The following AMBRA1 variants were observed in gnomAD, a reference collection of about 807,000 sequenced individuals.
The protein encoded by AMBRA1 is activating molecule in BECN1-regulated autophagy protein 1.
AMBRA1 carries 47 observed loss-of-function variants against 125.4 expected under a neutral mutation model. That is an observed-to-expected ratio of 0.37 (90% confidence interval 0.30 to 0.48). AMBRA1 has a LOEUF of 0.48. Among genes scored for constraint, AMBRA1 ranks in the 20% least tolerant of loss-of-function variants. The probability of loss-of-function intolerance (pLI) is 0.99; values close to 1 mark genes in which losing one functional copy is unlikely to be tolerated. For synonymous variants in AMBRA1, 626 were observed against 655.5 expected (o/e 0.95, Z 0.69); for missense variants, 1,331 against 1,693.4 (o/e 0.79, Z 3.76).
intron 11 of AMBRA1, among the ~76,000 whole-genome samples, chr11:46,479,811 G>T (rs1414544230): frequency 1.8e-4 from 27 of 152,140 alleles, no homozygotes; most frequent in Non-Finnish European, 1.3e-4. Context: ...AGATACATGT[G>T]TGAAACTATC....
chr11:46,474,705 G>C (rs1023367352), intron 11 of AMBRA1, among the ~76,000 whole-genome samples: 26 of 152,124 alleles, frequency 1.7e-4, no homozygotes, highest in African/African-American at 5.6e-4. Flanking sequence ...TTGTTCTTAA[G>C]CATCTATACT....
At chr11:46,429,169 G>C in intron 14 of AMBRA1, 1 of 1,545,500 alleles carries the variant, frequency 6.5e-7, no homozygotes, top group Non-Finnish European at 8.8e-7. Flanking sequence ...TCTCCGCCAC[G>C]CACTGGCTTC....
chr11:46,522,108 A>G (rs1419419602), intron 7 of AMBRA1, among the ~76,000 whole-genome samples: 1 of 152,240 alleles, frequency 6.6e-6, no homozygotes, highest in South Asian at 2.1e-4. Flanking sequence ...GAATGTATAC[A>G]TAGTGTGCAA....
intron 11 of AMBRA1, among the ~76,000 whole-genome samples, chr11:46,445,079 A>AG (rs1948214710): frequency 6.6e-6 from 1 of 151,882 alleles, no homozygotes. Context: ...AACAAAAAAA[A>AG]AAAAACAAAA....
At chr11:46,544,494 C>T (rs915673682) in intron 5 of AMBRA1, among the ~76,000 whole-genome samples, 8 of 152,096 alleles carry the variant, frequency 5.3e-5, no homozygotes, top group African/African-American at 4.8e-5. Context: ...GGCCTGTATT[C>T]GACTGGAAAT....
chr11:46,533,485 T>G (rs1223700334), intron 7 of AMBRA1, among the ~76,000 whole-genome samples: 2 of 151,990 alleles, frequency 1.3e-5, no homozygotes. Flanking sequence ...TGGGGAAGAG[T>G]GGAGGGGCTT....
At chr11:46,586,821 T>G (rs1019593817) in intron 1 of AMBRA1, among the ~76,000 whole-genome samples, 5 of 152,172 alleles carry the variant, frequency 3.3e-5, no homozygotes, top group South Asian at 2.1e-4. Context: ...TGAACCAGGC[T>G]GCTTGGCTCC....
intron 11 of AMBRA1, among the ~76,000 whole-genome samples, chr11:46,448,360 T>C (rs1446400393): frequency 6.6e-6 from 1 of 152,206 alleles, no homozygotes; most frequent in Non-Finnish European, 1.5e-5. Context: ...GAACAACACA[T>C]GGCTCAAAGA....
chr11:46,535,119 C>T (rs899833008), intron 7 of AMBRA1, among the ~76,000 whole-genome samples: 8 of 152,318 alleles, frequency 5.3e-5, no homozygotes, highest in Admixed American at 1.3e-4. Flanking sequence ...AGAAAGAACA[C>T]GTCATAATTT....
chr11:46,548,565 C>A (rs757343470), intron 1 of AMBRA1, 65 bp from the exon 2 acceptor site: 4 of 629,918 alleles, frequency 6.4e-6, no homozygotes, highest in African/African-American at 1.8e-5. Context: ...ATTGCAAATA[C>A]AATTCTAGCT....
At chr11:46,408,803 G>A (rs1352778690) in intron 16 of AMBRA1, 97 bp from the exon 17 acceptor site, 10 of 1,195,862 alleles carry the variant, frequency 8.4e-6, no homozygotes, top group South Asian at 2.3e-5. Flanking sequence ...GGCAGTGTGG[G>A]CCAGGCCCTG....
intron 1 of AMBRA1, among the ~76,000 whole-genome samples, chr11:46,582,108 C>G (rs1398925836): frequency 7.0e-6 from 1 of 143,106 alleles, no homozygotes; most frequent in African/African-American, 2.6e-5. Context: ...GAGACCCTGT[C>G]TCAAAAAAAA....
At chr11:46,512,906 C>T in intron 7 of AMBRA1, 93 bp from the exon 8 acceptor site, 2 of 1,176,794 alleles carry the variant, frequency 1.7e-6, no homozygotes, top group Non-Finnish European at 2.4e-6. Flanking sequence ...ATATAACTTT[C>T]CCCTTTTGCA....
At chr11:46,429,975 G>A (rs961580040) in intron 14 of AMBRA1, among the ~76,000 whole-genome samples, 3 of 151,998 alleles carry the variant, frequency 2.0e-5, no homozygotes, top group African/African-American at 4.8e-5. Context: ...TGGAGGAATC[G>A]CAAATGGACA....
chr11:46,434,725 T>C, intron 13 of AMBRA1, 124 bp downstream of exon 13: 2 of 1,025,484 alleles, frequency 2.0e-6, no homozygotes, highest in Non-Finnish European at 1.4e-6. Flanking sequence ...CTCTGGCCTG[T>C]GCCCCAGTGA....
intron 9 of AMBRA1, among the ~76,000 whole-genome samples, chr11:46,500,311 T>A (rs898533011): frequency 3.9e-5 from 6 of 152,106 alleles, no homozygotes; most frequent in African/African-American, 1.4e-4. Context: ...AAAAGTAAGA[T>A]GGCTGTGCTT....
chr11:46,466,374 T>C (rs1949324166), intron 11 of AMBRA1, among the ~76,000 whole-genome samples: 1 of 149,690 alleles, frequency 6.7e-6, no homozygotes, highest in African/African-American at 2.5e-5. Context: ...AATGTGAGTA[T>C]CTAACGAGGA....
chr11:46,428,688 C>T (rs1023291626), intron 14 of AMBRA1: 107 of 1,602,602 alleles, frequency 6.7e-5, no homozygotes, highest in Non-Finnish European at 8.6e-5. Context: ...CGACCAAATC[C>T]GCCTCTAAAC....
In AMBRA1 at chr11:46,443,559, T is replaced by C; in HGVS notation, c.2561A>G (p.Asn854Ser). Residue 854 changes from asparagine to serine, a missense_variant, in exon 12 of 18, where the codon AAC (asparagine) becomes AGC (serine). Physicochemically the swap from Asn to Ser is conservative, Grantham distance 46. Coordinates refer to ENST00000683756, the MANE Select transcript of AMBRA1 (RefSeq NM_001387011.1). Reference protein sequence around the residue: ...IGDGQSAVASNIANTTYRLQW... With the variant: ...IGDGQSAVASSIANTTYRLQW... ...GAGCCGGTAGGTAGTATTGGCAATG[T>C]TACTGGCCACAGCAGACTGTCCATC... 1 of 1,614,192 alleles carries C rather than the reference T, an allele frequency of 6.2e-7. No individual in the cohort carries two copies. Among genetic ancestry groups the C allele is most frequent in the Non-Finnish European group, 8.5e-7 (1 of 1,180,034 alleles).
Sources: allele counts gnomAD v4.1 joint callset (sites outside exome capture counted in the v4.1 genomes callset), GRCh38; gene constraint gnomAD v4.1.1; transcripts MANE v1.5; gene names NCBI Gene and HGNC (gene_info 2026-07-23, HGNC 2026-07-21).